The following SHQ1 variants were observed in gnomAD, a reference collection of about 807,000 sequenced individuals.
SHQ1 encodes the protein SHQ1, H/ACA ribonucleoprotein assembly factor.
SHQ1 carries 49 observed loss-of-function variants against 53.8 expected under a neutral mutation model. The observed-to-expected ratio is 0.91, with a 90% CI of 0.72 to 1.16. The LOEUF is 1.16. Ranked by LOEUF, SHQ1 falls within the 50% of genes most tolerant of loss-of-function variation. The pLI, the probability that SHQ1 is intolerant of heterozygous loss-of-function variation, is 0.00. For missense variants in SHQ1, 738 were observed against 683.1 expected, an observed-to-expected ratio of 1.08 and a Z score of -0.90; for synonymous variants, 243 against 251.0, an observed-to-expected ratio of 0.97 and a Z score of 0.30.
At chr3:72,771,429 T>G (rs1274635665) in intron 10 of SHQ1, among the ~76,000 whole-genome samples, 1 of 152,190 alleles carries the variant, frequency 6.6e-6, no homozygotes, top group Non-Finnish European at 1.5e-5. Flanking sequence ...GTGAACTAGC[T>G]AGCAAAGAAG....
intron 6 of SHQ1, among the ~76,000 whole-genome samples, chr3:72,822,928 T>C (rs1406268628): frequency 1.3e-5 from 2 of 152,064 alleles, no homozygotes; most frequent in Non-Finnish European, 2.9e-5. Flanking sequence ...GGCTGGCGGA[T>C]CACAAGGTCA....
chr3:72,812,584 A>T, intron 9 of SHQ1, 87 bp downstream of exon 9: 1 of 1,512,054 alleles, frequency 6.6e-7, no homozygotes, highest in Admixed American at 1.9e-5. Context: ...ATATACAGTA[A>T]AAAAGCAAAA....
chr3:72,805,601 G>A (rs1706916971), intron 9 of SHQ1, among the ~76,000 whole-genome samples: 1 of 151,990 alleles, frequency 6.6e-6, no homozygotes, highest in Non-Finnish European at 1.5e-5. Flanking sequence ...TTTCTACACT[G>A]CTCAGCTCAG....
At chr3:72,733,281 C>T in the SHQ1 span, among the ~76,000 whole-genome samples, 4 of 151,648 alleles carry the variant, frequency 2.6e-5, no homozygotes, top group East Asian at 7.7e-4. Context: ...TTCCACCTCC[C>T]ATTCCAACCA....
intron 9 of SHQ1, among the ~76,000 whole-genome samples, chr3:72,798,452 T>C (rs1575702346): frequency 6.6e-6 from 1 of 152,188 alleles, no homozygotes; most frequent in Non-Finnish European, 1.5e-5. Context: ...GAAAGACTAA[T>C]GACAACACAG....
chr3:72,739,461 G>A, the SHQ1 span, among the ~76,000 whole-genome samples: 350 of 152,356 alleles, frequency 2.3e-3, 1 homozygote, highest in African/African-American at 8.1e-3. Context: ...AGCGTCTACA[G>A]CTGGTAGAGA....
chr3:72,785,648 A>G (rs918866272), intron 10 of SHQ1, among the ~76,000 whole-genome samples: 2 of 152,178 alleles, frequency 1.3e-5, no homozygotes, highest in African/African-American at 4.8e-5. Context: ...AAAGCCTCAC[A>G]TCCACTCTTG....
Position 72,750,567 on chromosome 3 carries a change from G to C in SHQ1, c.1451C>G (p.Pro484Arg). 1 of 1,614,206 alleles carries C rather than the reference G, an allele frequency of 6.2e-7. No homozygotes were observed. Residue 484 changes from proline (P) to arginine (R), a missense_variant, in exon 11 of 11, where the codon CCA becomes CGA. Transcript: ENST00000325599. ...TTGCAAAGAACTGACTGTCTCAGAT[G>C]GACTATCTTTGAGTTCATCTTGTTC... ...DSEQDELKDS[P>R]SETVSSLQGP...
intron 5 of SHQ1, among the ~76,000 whole-genome samples, chr3:72,827,145 A>T (rs1707684577): frequency 6.6e-6 from 1 of 152,112 alleles, no homozygotes; most frequent in Non-Finnish European, 1.5e-5. Context: ...GGCCTCCACA[A>T]CTCAGTGGAC....
At chr3:72,822,221 C>A (rs1707498447) in intron 6 of SHQ1, among the ~76,000 whole-genome samples, 1 of 152,142 alleles carries the variant, frequency 6.6e-6, no homozygotes, top group Non-Finnish European at 1.5e-5. Context: ...ACACGCTGTT[C>A]GACACAAAGC....
chr3:72,820,394 T>C (rs1206829280), intron 6 of SHQ1, among the ~76,000 whole-genome samples: 2 of 152,232 alleles, frequency 1.3e-5, no homozygotes, highest in Non-Finnish European at 2.9e-5. Context: ...AGTTCCACTG[T>C]GGCCTACTTC....
intron 6 of SHQ1, among the ~76,000 whole-genome samples, chr3:72,818,433 TAAA>T (rs988742494): frequency 6.6e-6 from 1 of 152,174 alleles, no homozygotes; most frequent in Non-Finnish European, 1.5e-5. Context: ...TTGACTGGGT[TAAA>T]AAAGTATCTG....
At position 72,750,025 on chromosome 3, in the gene SHQ1, A is replaced by G. The variant is rs893905622; in HGVS notation, c.*259T>C. 1.6e-4 allele frequency: 74 copies of G among 457,650 alleles called. No homozygotes were observed. The highest frequency in any genetic ancestry group is 4.6e-5 in the Non-Finnish European group (12 of 258,572). 28.3% of individuals were successfully genotyped at this position (457,650 alleles called of 1,614,324 possible). Reference sequence around the variant, plus strand: ...ACTTATATTACCCAATACAATGTAAATGCTGTGGAAATAGTTGTCATACTG... The same window carrying G: ...ACTTATATTACCCAATACAATGTAAGTGCTGTGGAAATAGTTGTCATACTG... On this transcript the variant is annotated 3_prime_UTR_variant, in exon 11 of 11. Coordinates refer to ENST00000325599, the MANE Select transcript of SHQ1 (RefSeq NM_018130.3).
At chr3:72,803,641 G>T (rs1475418040) in intron 9 of SHQ1, among the ~76,000 whole-genome samples, 10 of 152,182 alleles carry the variant, frequency 6.6e-5, no homozygotes, top group Non-Finnish European at 1.2e-4. Context: ...TCTGTAAAGA[G>T]ATAGAAAGTA....
chr3:72,778,149 T>C (rs938620282), intron 10 of SHQ1, among the ~76,000 whole-genome samples: 1 of 152,178 alleles, frequency 6.6e-6, no homozygotes, highest in African/African-American at 2.4e-5. Context: ...ATTGGTGATA[T>C]TCTATTTCTT....
intron 9 of SHQ1, among the ~76,000 whole-genome samples, chr3:72,803,732 T>C (rs1706859634): frequency 6.6e-6 from 1 of 152,216 alleles, no homozygotes; most frequent in South Asian, 2.1e-4. Context: ...ATAGACAATA[T>C]GTAAGTGAAT....
rs143456019 is a variant in SHQ1, at chr3:72,804,442, G to A, written c.1060+8229C>T. 3.1e-3 allele frequency among the ~76,000 whole-genome samples: 252 copies of A among 82,096 alleles called. 1 individual carries two copies. The highest frequency in any genetic ancestry group is 0.011 in the African/African-American group (236 of 21,232). 53.9% of individuals were successfully genotyped at this position (82,096 alleles called of 152,430 possible). On this transcript the variant is annotated intron_variant, in intron 9 of 10. Transcript: ENST00000325599. ...CCACCCCCCCACCCCGCCACCCTCC[G>A]AAAGGCCCCAATGGGTGTTGTTGCC...
chr3:72,731,404 G>A, the SHQ1 span, among the ~76,000 whole-genome samples: 1 of 151,364 alleles, frequency 6.6e-6, no homozygotes, highest in Non-Finnish European at 1.5e-5. Flanking sequence ...CCTCAGTTTG[G>A]GCTGGGCGCG....
At chr3:72,741,446 T>G in the SHQ1 span, among the ~76,000 whole-genome samples, 3 of 152,102 alleles carry the variant, frequency 2.0e-5, no homozygotes, top group Non-Finnish European at 2.9e-5. Context: ...ATTAGCCAGA[T>G]GTGGTGGCAG....
Sources: allele counts gnomAD v4.1 joint callset (sites outside exome capture counted in the v4.1 genomes callset), GRCh38; gene constraint gnomAD v4.1.1; transcripts MANE v1.5; gene names NCBI Gene and HGNC (gene_info 2026-07-23, HGNC 2026-07-21).